Variants in CLIC5 observed in about 807,000 individuals in gnomAD.
The protein encoded by CLIC5 is CLIC family member 5, also known as chloride intracellular channel protein 5.
Under a neutral mutation model 24.7 loss-of-function variants are expected in CLIC5, and 20 were observed. The observed-to-expected ratio is 0.81, with a 90% confidence interval of 0.57 to 1.18. CLIC5 has a LOEUF of 1.18. Among genes scored for constraint, CLIC5 ranks in the 50% most tolerant of loss-of-function variants. The probability of loss-of-function intolerance (pLI) is 0.00; values close to 1 mark genes in which losing one functional copy is unlikely to be tolerated. For missense variants in CLIC5, 341 were observed against 326.1 expected (o/e 1.05, Z -0.35); for synonymous variants, 159 against 135.6 (o/e 1.17, Z -1.20).
intron 1 of CLIC5, among the ~76,000 whole-genome samples, chr6:46,046,762 C>T (rs1465455419): frequency 6.6e-6 from 1 of 152,182 alleles, no homozygotes; most frequent in African/African-American, 2.4e-5. Context: ...TTGTTCCTAA[C>T]AGACATGCAC....
chr6:46,023,779 G>A (rs1353623599), intron 1 of CLIC5, among the ~76,000 whole-genome samples: 1 of 152,008 alleles, frequency 6.6e-6, no homozygotes, highest in Non-Finnish European at 1.5e-5. Context: ...CTCACTTAAT[G>A]GTCAAGCTCC....
At chr6:45,970,906 T>C (rs957855268) in intron 1 of CLIC5, among the ~76,000 whole-genome samples, 1 of 152,236 alleles carries the variant, frequency 6.6e-6, no homozygotes, top group African/African-American at 2.4e-5. Context: ...ACTTGTTCAT[T>C]GGGCACAAAG....
chr6:45,896,229 T>C (rs1235728116), downstream of CLIC5, among the ~76,000 whole-genome samples: 1 of 152,238 alleles, frequency 6.6e-6, no homozygotes, highest in East Asian at 1.9e-4. Flanking sequence ...CTGATGGCCA[T>C]GTATTTTCTG....
chr6:45,912,573 A>T, intron 5 of CLIC5: 3 of 1,427,022 alleles, frequency 2.1e-6, no homozygotes, highest in Non-Finnish European at 2.8e-6. Flanking sequence ...TCTTCTAGGC[A>T]TGAGAAAAAT....
At chr6:45,891,474 A>G (rs1484254012) in intron 6 of CLIC5, among the ~76,000 whole-genome samples, 3 of 152,116 alleles carry the variant, frequency 2.0e-5, no homozygotes, top group Non-Finnish European at 4.4e-5. Flanking sequence ...TGTCTCTACT[A>G]AAAATACAAA....
At chr6:45,999,957 A>G (rs1766293415) in intron 1 of CLIC5, among the ~76,000 whole-genome samples, 1 of 34,780 alleles carries the variant, frequency 2.9e-5, no homozygotes, top group African/African-American at 1.3e-4. Context: ...TCACCTTGTT[A>G]GCCAGGATGG....
chr6:45,953,597 G>A (rs1422251962), intron 2 of CLIC5, among the ~76,000 whole-genome samples: 14 of 152,190 alleles, frequency 9.2e-5, no homozygotes, highest in Admixed American at 9.2e-4. Context: ...TTGGGAAAGA[G>A]TGTTGGGAAG....
At chr6:46,051,019 G>A (rs1403627776) in intron 1 of CLIC5, among the ~76,000 whole-genome samples, 1 of 152,110 alleles carries the variant, frequency 6.6e-6, no homozygotes, top group African/African-American at 2.4e-5. Flanking sequence ...TTCTGAAAAT[G>A]GAGAATACCA....
chr6:46,076,354 CG>C, intron 1 of CLIC5, among the ~76,000 whole-genome samples: 1 of 152,204 alleles, frequency 6.6e-6, no homozygotes, highest in Non-Finnish European at 1.5e-5. Flanking sequence ...ATGTGACAAA[CG>C]GACTTGCAAA....
chr6:45,912,538 A>C, intron 5 of CLIC5: 1 of 1,382,164 alleles, frequency 7.2e-7, no homozygotes. Context: ...AAAAGAAGGC[A>C]AGAAGGAATA....
chr6:46,002,099 G>C (rs1024721156), intron 1 of CLIC5, among the ~76,000 whole-genome samples: 1 of 152,132 alleles, frequency 6.6e-6, no homozygotes, highest in African/African-American at 2.4e-5. Flanking sequence ...AGCCTAACTT[G>C]TCTGGGCCTC....
chr6:46,109,513 TAAAAAAAAAAAAAAA>T, the CLIC5 span, among the ~76,000 whole-genome samples: 43 of 47,182 alleles, frequency 9.1e-4, no homozygotes, highest in Middle Eastern at 0.019. Context: ...CAGTCTCCAC[TAAAAAAAAAAAAAAA>T]AAAAAAAAAA....
At chr6:45,965,027 T>G (rs75867223) in intron 1 of CLIC5, among the ~76,000 whole-genome samples, 1 of 152,206 alleles carries the variant, frequency 6.6e-6, no homozygotes, top group African/African-American at 2.4e-5. Context: ...TTATGAAATA[T>G]TATGCCTTGA....
At chr6:45,890,729 G>A (rs1169387191) in intron 6 of CLIC5, among the ~76,000 whole-genome samples, 2 of 152,136 alleles carry the variant, frequency 1.3e-5, no homozygotes, top group Non-Finnish European at 2.9e-5. Context: ...ATGCCATTCA[G>A]CCTTAAAAAA....
At chr6:45,984,140 A>G (rs1765655499) in intron 1 of CLIC5, among the ~76,000 whole-genome samples, 1 of 152,206 alleles carries the variant, frequency 6.6e-6, no homozygotes, top group South Asian at 2.1e-4. Context: ...AACTAGTACA[A>G]AAATTGAATT....
the CLIC5 span, among the ~76,000 whole-genome samples, chr6:46,094,507 A>G: frequency 6.6e-6 from 1 of 152,224 alleles, no homozygotes; most frequent in Non-Finnish European, 1.5e-5. Context: ...ATTGGCCCAA[A>G]AAAGGGGGTC....
At chr6:46,050,487 A>C (rs1272331452) in intron 1 of CLIC5, among the ~76,000 whole-genome samples, 1 of 152,252 alleles carries the variant, frequency 6.6e-6, no homozygotes, top group Non-Finnish European at 1.5e-5. Flanking sequence ...AATGGGAGAC[A>C]GTGCTTGCTA....
chr6:46,005,142 T>A (rs1561997985), intron 1 of CLIC5, among the ~76,000 whole-genome samples: 1 of 152,194 alleles, frequency 6.6e-6, no homozygotes, highest in Admixed American at 6.5e-5. Flanking sequence ...AAATTGGATG[T>A]TTAAGAGAAT....
chr6:45,953,568 C>G (rs1252720142), intron 2 of CLIC5, among the ~76,000 whole-genome samples: 1 of 152,074 alleles, frequency 6.6e-6, no homozygotes, highest in African/African-American at 2.4e-5. Context: ...ACAGAGTAGA[C>G]AGGTCACGGT....
Sources: gnomAD v4.1 joint callset for allele counts (sites outside exome capture counted in the v4.1 genomes callset) on GRCh38, gnomAD v4.1.1 for gene constraint, MANE v1.5 for transcripts, NCBI Gene and HGNC (gene_info 2026-07-23, HGNC 2026-07-21) for gene names.